Variants in DNAH11 observed in about 807,000 individuals in gnomAD.
DNAH11 encodes dynein axonemal heavy chain 11.
DNAH11 carries 442 observed loss-of-function variants against 526.0 expected under a neutral mutation model. The observed-to-expected ratio is 0.84, with a 90% CI of 0.78 to 0.91. The LOEUF is 0.91. Ranked by LOEUF, DNAH11 falls within the 40% of genes least tolerant of loss-of-function variation. The pLI is 0.00. For missense variants in DNAH11, 6,989 were observed against 5,448.7 expected, an observed-to-expected ratio of 1.28 and a Z score of -8.90; for synonymous variants, 2,461 against 1,935.9, an observed-to-expected ratio of 1.27 and a Z score of -7.12.
At chr7:21,629,224 T>C (rs991457856) in intron 25 of DNAH11, among the ~76,000 whole-genome samples, 1 of 152,180 alleles carries the variant, frequency 6.6e-6, no homozygotes, top group African/African-American at 2.4e-5. Context: ...CTAAGGTTCC[T>C]CTTGTTAGTG....
rs775980603 is a variant in DNAH11, at chr7:21,866,532, G to C, written c.11559G>C (p.Gln3853His). 19 of 1,613,844 alleles carry C rather than the reference G, an allele frequency of 1.2e-5. No individual in the cohort carries two copies. The South Asian group carries it at 2.1e-4, about 18-fold the overall frequency. ...GAGATGTGGAAGGATCTGCCAAGCA[G>C]TGGAGGAAGTGGGTAGAATCCGAGT... ...IDRDVEGSAKQWRKWVESECP... is the reference protein window; with the variant it reads ...IDRDVEGSAKHWRKWVESECP... The change falls in exon 71 of 82, where the codon CAG (glutamine) becomes CAC (histidine). Residue 3853 changes from glutamine to histidine, a missense_variant. Physicochemically the swap from Gln to His is conservative, Grantham distance 24. Coordinates refer to ENST00000409508, the MANE Select transcript of DNAH11 (RefSeq NM_001277115.2).
At chr7:21,849,948 C>A (rs1333363352) in intron 66 of DNAH11, among the ~76,000 whole-genome samples, 1 of 148,118 alleles carries the variant, frequency 6.8e-6, no homozygotes, top group African/African-American at 2.5e-5. Flanking sequence ...TCTCACAGTT[C>A]TTGGATATTC....
At position 21,619,198 on chromosome 7, in the gene DNAH11, G is replaced by A. The variant is rs373969291; in HGVS notation, c.4353G>A (p.Ala1451=). The A allele has an allele frequency of 5.1e-5, 82 of 1,613,076 alleles. No individual in the cohort carries two copies. The highest frequency in any genetic ancestry group is 5.9e-5 in the Non-Finnish European group (70 of 1,179,528). Reference sequence around the variant, plus strand: ...ATGTCCGAAGGATTGTGGACAAGGCGGTGAAAGAGCTGGGGACTGAGAAGG... The same window carrying A: ...ATGTCCGAAGGATTGTGGACAAGGCAGTGAAAGAGCTGGGGACTGAGAAGG... ...EDDVRRIVDK[A]VKELGTEKVI... The change falls in exon 24 of 82, where the codon GCG becomes GCA. Residue 1451 remains alanine (A), a synonymous_variant. Transcript: ENST00000409508.
intron 33 of DNAH11, 62 bp from the exon 34 acceptor site, chr7:21,687,320 T>C (rs1351574635): frequency 1.3e-6 from 2 of 1,563,424 alleles, no homozygotes; most frequent in Non-Finnish European, 1.7e-6. Context: ...TTGGGAATTA[T>C]TCAATATAAT....
At chr7:21,637,876 A>G (rs924192758) in intron 27 of DNAH11, among the ~76,000 whole-genome samples, 174 bp downstream of exon 27, 1 of 152,200 alleles carries the variant, frequency 6.6e-6, no homozygotes, top group African/African-American at 2.4e-5. Flanking sequence ...ACATATATAT[A>G]GTAAGTTAAT....
intron 42 of DNAH11, among the ~76,000 whole-genome samples, chr7:21,714,386 G>A (rs760732310): frequency 2.0e-4 from 30 of 152,226 alleles, no homozygotes; most frequent in African/African-American, 5.5e-4. Context: ...TCTAGAAGGC[G>A]TTTTTGTATT....
At position 21,606,710 on chromosome 7, in the gene DNAH11, A is replaced by T; in HGVS notation, c.3829A>T (p.Asn1277Tyr). The T allele has an allele frequency of 6.2e-7, 1 of 1,611,772 alleles. No individual in the cohort carries two copies. The highest frequency in any genetic ancestry group is 1.1e-5 in the South Asian group (1 of 90,636). The change falls in exon 20 of 82, where the codon AAT becomes TAT. Residue 1277 changes from asparagine to tyrosine, a missense_variant. Coordinates refer to ENST00000409508, the MANE Select transcript of DNAH11 (RefSeq NM_001277115.2). ...HYAPLGFNAE[N>Y]PYTALDKANE... ...TGCCCCTCTTGGATTTAATGCAGAAAATCCATACACAGCGCTTGATAAGGT... is the reference window on the plus strand; with the variant it reads ...TGCCCCTCTTGGATTTAATGCAGAATATCCATACACAGCGCTTGATAAGGT...
intron 74 of DNAH11, among the ~76,000 whole-genome samples, chr7:21,878,758 A>G (rs1783805963): frequency 6.6e-6 from 1 of 152,142 alleles, no homozygotes; most frequent in African/African-American, 2.4e-5. Flanking sequence ...TCTGATCCTG[A>G]CCCACAGAGA....
intron 65 of DNAH11, among the ~76,000 whole-genome samples, chr7:21,821,502 T>TG (rs1399855796): frequency 3.3e-5 from 5 of 152,150 alleles, no homozygotes; most frequent in Admixed American, 1.3e-4. Flanking sequence ...AACGTCCTCT[T>TG]GCATACCTTA....
chr7:21,838,643 A>G (rs1438431131), intron 65 of DNAH11, among the ~76,000 whole-genome samples: 2 of 152,066 alleles, frequency 1.3e-5, no homozygotes, highest in South Asian at 2.1e-4. Context: ...ATTCCATTCT[A>G]TGGCCAAATA....
At chr7:21,658,434 G>A (rs974612520) in intron 29 of DNAH11, among the ~76,000 whole-genome samples, 2 of 152,086 alleles carry the variant, frequency 1.3e-5, no homozygotes, top group Non-Finnish European at 2.9e-5. Context: ...GTGATGTTTG[G>A]CTTCTGAAAA....
At chr7:21,816,384 C>T (rs1789790952) in intron 63 of DNAH11, 83 bp from the exon 64 acceptor site, 5 of 1,153,174 alleles carry the variant, frequency 4.3e-6, no homozygotes, top group Non-Finnish European at 6.2e-6. Context: ...GTTACTTTCT[C>T]ATGACTTTGT....
rs1202117176 is a variant in DNAH11 at position 21,901,644 on chromosome 7, TTTTAATTTTTAACAAACAACAAA to T, written c.*393_*415del. On this transcript the variant is annotated 3_prime_UTR_variant, in exon 82 of 82. Coordinates refer to ENST00000409508, the MANE Select transcript of DNAH11 (RefSeq NM_001277115.2). ...GCAATGCAGCCGGAAAGAACGGAGA[TTTTAATTTTTAACAAACAACAAA>T]TTAAATTATTAGCCCTTAAACTCTT... is the stretch of plus-strand genomic sequence containing the variant. 2 of 158,036 alleles carry T rather than the reference TTTTAATTTTTAACAAACAACAAA, an allele frequency of 1.3e-5. No homozygotes were observed. The highest frequency in any genetic ancestry group is 2.8e-5 in the Non-Finnish European group (2 of 72,012). The allele number at this position is 158,036 out of a possible 1,614,324, so 9.8% of individuals were successfully genotyped here.
At position 21,601,562 on chromosome 7, in the gene DNAH11, A is replaced by G. The variant is rs748165183; in HGVS notation, c.3592A>G (p.Thr1198Ala). 3 of 1,609,600 alleles carry G rather than the reference A, an allele frequency of 1.9e-6. No homozygotes were observed. The Admixed American group carries it at 5.0e-5, about 27-fold the overall frequency. ...ELFEPLKETI[T>A]LLESYGQKMP... ...CTTTGAACCTCTAAAAGAAACGATC[A>G]CCCTCTTGGAAAGCTATGGCCAGAA... The change falls in exon 18 of 82, where the codon ACC becomes GCC. Residue 1198 changes from threonine (T) to alanine (A), a missense_variant. Thr to Ala is a moderately conservative substitution (Grantham distance 58, BLOSUM62 0). Coordinates refer to ENST00000409508, the MANE Select transcript of DNAH11 (RefSeq NM_001277115.2).
At chr7:21,655,605 C>T (rs1562732385) in intron 28 of DNAH11, among the ~76,000 whole-genome samples, 2 of 152,248 alleles carry the variant, frequency 1.3e-5, no homozygotes, top group South Asian at 4.1e-4. Flanking sequence ...TCATGGTAAG[C>T]ATTCATCAGC....
At chr7:21,876,282 C>G (rs1225441843) in intron 74 of DNAH11, among the ~76,000 whole-genome samples, 1 of 152,180 alleles carries the variant, frequency 6.6e-6, no homozygotes, top group East Asian at 1.9e-4. Context: ...AAGTGATTCA[C>G]TAAATAATCT....
At chr7:21,766,182 T>C (rs947572785) in intron 55 of DNAH11, among the ~76,000 whole-genome samples, 1 of 152,198 alleles carries the variant, frequency 6.6e-6, no homozygotes, top group Admixed American at 6.5e-5. Flanking sequence ...TAAAATCAAA[T>C]TTAAAATCCC....
chr7:21,791,515 GACTTGTAA>G (rs1788478251), intron 61 of DNAH11, among the ~76,000 whole-genome samples: 1 of 152,182 alleles, frequency 6.6e-6, no homozygotes, highest in African/African-American at 2.4e-5. Context: ...GTCCTGATGA[GACTTGTAA>G]ACAGCTCCTG....
In DNAH11 at chr7:21,589,294, A is replaced by G. The variant is rs372935096; in HGVS notation, c.2060A>G (p.Tyr687Cys). Residue 687 changes from tyrosine to cysteine, a missense_variant, in exon 12 of 82, where the codon TAT becomes TGT. Transcript: ENST00000409508. ...TLLDQFESRIYNEWKSNVDEI... is the reference protein window; with the variant it reads ...TLLDQFESRICNEWKSNVDEI... ...CTTGATCAATTTGAAAGTCGTATCTATAATGAATGGAAAAGTAATGTGGAT... is the reference window on the plus strand; with the variant it reads ...CTTGATCAATTTGAAAGTCGTATCTGTAATGAATGGAAAAGTAATGTGGAT... The G allele has an allele frequency of 1.2e-5, 19 of 1,610,914 alleles. No homozygotes were observed. The highest frequency in any genetic ancestry group is 1.6e-4 in the Middle Eastern group (1 of 6,072).
Sources: allele counts gnomAD v4.1 joint callset (sites outside exome capture counted in the v4.1 genomes callset), GRCh38; gene constraint gnomAD v4.1.1; transcripts MANE v1.5; gene names NCBI Gene and HGNC (gene_info 2026-07-23, HGNC 2026-07-21).